Variants in CA10 observed in about 807,000 individuals in gnomAD.
The protein encoded by CA10 is carbonic anhydrase-related protein 10.
CA10 carries 14 observed loss-of-function variants against 44.2 expected under a neutral mutation model. That is an observed-to-expected ratio of 0.32 (90% CI 0.21 to 0.50). CA10 has a LOEUF of 0.50. Among genes scored for constraint, CA10 ranks in the 20% least tolerant of loss-of-function variants. The probability of loss-of-function intolerance (pLI) is 0.99; values close to 1 mark genes in which losing one functional copy is unlikely to be tolerated. For missense variants in CA10, 350 were observed against 409.7 expected (o/e 0.85, Z 1.26); for synonymous variants, 159 against 141.6 (o/e 1.12, Z -0.87).
At chr17:51,775,333 A>C (rs1055494659) in intron 3 of CA10, among the ~76,000 whole-genome samples, 9 of 152,160 alleles carry the variant, frequency 5.9e-5, no homozygotes, top group African/African-American at 2.2e-4. Flanking sequence ...CAATGCTCTC[A>C]AATTCACTTT....
rs1381648298 is a variant in CA10, at chr17:51,717,705, A to ATATGTATATATG, written c.465+29927_465+29928insCATATATACATA. ...TATATGTATACATATATGCATGTAT[A>ATATGTATATATG]TATACATATATACGTATATATACAT... On this transcript the variant is annotated intron_variant, in intron 4 of 8. Coordinates refer to ENST00000451037, the MANE Select transcript of CA10 (RefSeq NM_020178.5). Among the ~76,000 whole-genome samples, 90 of 64,226 alleles carry ATATGTATATATG rather than the reference A, an allele frequency of 1.4e-3. 6 individuals carry two copies. The highest frequency in any genetic ancestry group is 3.3e-3 in the African/African-American group (66 of 20,200). 42.1% of individuals were successfully genotyped at this position (64,226 alleles called of 152,430 possible). A position where few individuals can be genotyped will look rare whatever the true frequency, so the allele number is the denominator to read the frequency against.
intron 3 of CA10, among the ~76,000 whole-genome samples, chr17:51,853,354 G>A (rs1411764873): frequency 1.3e-5 from 2 of 152,166 alleles, no homozygotes. Flanking sequence ...GCTGGTCTGT[G>A]GGGCATGGCC....
chr17:51,954,464 G>A (rs1215646153), intron 2 of CA10, among the ~76,000 whole-genome samples: 1 of 152,096 alleles, frequency 6.6e-6, no homozygotes, highest in Non-Finnish European at 1.5e-5. Flanking sequence ...AGACTCTAGG[G>A]AGTCACGGAG....
chr17:51,796,770 A>G (rs1906725346), intron 3 of CA10, among the ~76,000 whole-genome samples: 1 of 152,030 alleles, frequency 6.6e-6, no homozygotes, highest in South Asian at 2.1e-4. Context: ...AGTCTTGTCC[A>G]TTGCTAAGCC....
At chr17:51,960,815 G>T (rs1287202526) in intron 2 of CA10, among the ~76,000 whole-genome samples, 1 of 152,100 alleles carries the variant, frequency 6.6e-6, no homozygotes, top group Non-Finnish European at 1.5e-5. Flanking sequence ...AACATATTCT[G>T]AACTAAGTGA....
chr17:51,773,762 C>G lies in CA10; in HGVS notation c.280-25944G>C, dbSNP rs569633929. Among the ~76,000 whole-genome samples the G allele has an allele frequency of 3.9e-5, 6 of 152,336 alleles. No homozygotes were observed. The East Asian group carries it at 1.2e-3, about 29-fold the overall frequency. On this transcript the variant is annotated intron_variant, in intron 3 of 8. Coordinates refer to ENST00000451037, the MANE Select transcript of CA10 (RefSeq NM_020178.5). The stretch of plus-strand genomic sequence containing the variant: ...TTTAATGTTGGGCCTCCATTTGATT[C>G]TTTTGTGCTTTCCATCTGAATGTTT...
At chr17:52,095,875 C>T (rs1360410331) in intron 1 of CA10, among the ~76,000 whole-genome samples, 1 of 152,142 alleles carries the variant, frequency 6.6e-6, no homozygotes, top group South Asian at 2.1e-4. Flanking sequence ...AAGGATATAA[C>T]ATGACGTGCT....
At chr17:51,889,704 A>G (rs1464516670) in intron 3 of CA10, among the ~76,000 whole-genome samples, 3 of 152,208 alleles carry the variant, frequency 2.0e-5, no homozygotes, top group African/African-American at 7.2e-5. Flanking sequence ...TCCTACCCAT[A>G]GGAGCATTTC....
chr17:52,059,331 T>C (rs561701549), intron 2 of CA10, among the ~76,000 whole-genome samples: 19 of 152,298 alleles, frequency 1.2e-4, no homozygotes, highest in East Asian at 1.2e-3. Context: ...ACCCTGATTC[T>C]ATAGGTGAGG....
At chr17:52,023,669 C>A (rs1415014048) in intron 2 of CA10, among the ~76,000 whole-genome samples, 1 of 144,782 alleles carries the variant, frequency 6.9e-6, no homozygotes, top group Non-Finnish European at 1.5e-5. Context: ...AAACTGTCAA[C>A]AAAGTAAACA....
At chr17:51,903,194 G>C (rs972282369) in intron 3 of CA10, among the ~76,000 whole-genome samples, 1 of 152,112 alleles carries the variant, frequency 6.6e-6, no homozygotes, top group Admixed American at 6.6e-5. Context: ...ATGTGATCTA[G>C]GGTGAGTTTC....
chr17:51,770,864 G>C (rs113667466), intron 3 of CA10, among the ~76,000 whole-genome samples: 1 of 151,880 alleles, frequency 6.6e-6, no homozygotes, highest in Non-Finnish European at 1.5e-5. Context: ...AGTGGCTCAC[G>C]CCTGTATTCA....
At chr17:51,738,780 T>C (rs1019571238) in intron 4 of CA10, among the ~76,000 whole-genome samples, 2 of 152,242 alleles carry the variant, frequency 1.3e-5, no homozygotes, top group Non-Finnish European at 2.9e-5. Flanking sequence ...CTATTTGCTC[T>C]ATGAGGTGAC....
intron 2 of CA10, among the ~76,000 whole-genome samples, chr17:51,952,232 A>G (rs1033402750): frequency 1.3e-5 from 2 of 152,196 alleles, no homozygotes; most frequent in African/African-American, 4.8e-5. Flanking sequence ...TAAAGCTGCT[A>G]TAACAAGTAT....
chr17:51,917,083 A>G (rs1339064587), intron 3 of CA10, among the ~76,000 whole-genome samples: 1 of 152,102 alleles, frequency 6.6e-6, no homozygotes, highest in Non-Finnish European at 1.5e-5. Context: ...CTCTAAGAAC[A>G]GTGGTGTGCT....
chr17:52,116,498 A>G (rs574106885), intron 1 of CA10, among the ~76,000 whole-genome samples: 91 of 152,294 alleles, frequency 6.0e-4, no homozygotes, highest in African/African-American at 2.1e-3. Context: ...AGGCCCCCCT[A>G]TTAACATGGG....
intron 3 of CA10, among the ~76,000 whole-genome samples, chr17:51,852,504 A>C (rs1374236181): frequency 3.9e-5 from 6 of 152,188 alleles, no homozygotes; most frequent in African/African-American, 1.4e-4. Flanking sequence ...ATGGCAGTTA[A>C]GGTAGGCATG....
chr17:52,154,145 A>G (rs1989757413), intron 1 of CA10, among the ~76,000 whole-genome samples: 1 of 152,324 alleles, frequency 6.6e-6, no homozygotes, highest in African/African-American at 2.4e-5. Context: ...AATTCATTTA[A>G]CCTAATTTAT....
chr17:51,838,023 T>A (rs1261163187), intron 3 of CA10, among the ~76,000 whole-genome samples: 1 of 152,250 alleles, frequency 6.6e-6, no homozygotes, highest in Non-Finnish European at 1.5e-5. Flanking sequence ...AAGCCTTTTA[T>A]CTTTCCAACG....
Sources: gnomAD v4.1 joint callset for allele counts (sites outside exome capture counted in the v4.1 genomes callset) on GRCh38, gnomAD v4.1.1 for gene constraint, MANE v1.5 for transcripts, NCBI Gene and HGNC (gene_info 2026-07-23, HGNC 2026-07-21) for gene names.